The following EDIL3 variants were observed in gnomAD, a reference collection of about 807,000 sequenced individuals.
EDIL3 encodes EGF like and discoidin domains 3, also known as EGF-like repeat and discoidin I-like domain-containing protein 3.
A neutral mutation model predicts 67.4 loss-of-function variants in EDIL3; 37 were observed. The ratio of observed to expected loss-of-function variants is 0.55; its 90% confidence interval spans 0.42 to 0.72. The LOEUF is 0.72. EDIL3 is among the 30% of genes least tolerant of loss of function. The pLI, the probability that EDIL3 is intolerant of heterozygous loss-of-function variation, is 0.00. For missense variants in EDIL3, 527 were observed against 586.3 expected (o/e 0.90, Z 1.04); for synonymous variants, 195 against 196.3 (o/e 0.99, Z 0.05).
intron 3 of EDIL3, among the ~76,000 whole-genome samples, chr5:84,223,489 G>A (rs549978406): frequency 9.2e-5 from 14 of 151,610 alleles, no homozygotes; most frequent in South Asian, 8.3e-4. Flanking sequence ...GGATGAACCC[G>A]GAGGAATTAT....
intron 1 of EDIL3, among the ~76,000 whole-genome samples, chr5:84,342,685 T>C (rs1747139886): frequency 6.6e-6 from 1 of 152,186 alleles, no homozygotes; most frequent in Admixed American, 6.6e-5. Context: ...CTAGGAGTCT[T>C]GTTTTGGCCA....
chr5:84,077,583 C>G (rs1421707193), intron 6 of EDIL3, among the ~76,000 whole-genome samples: 1 of 152,102 alleles, frequency 6.6e-6, no homozygotes, highest in East Asian at 1.9e-4. Context: ...CATCAGATCT[C>G]ATGAAAGTTA....
intron 3 of EDIL3, among the ~76,000 whole-genome samples, chr5:84,217,091 C>T (rs1002962251): frequency 6.6e-6 from 1 of 150,554 alleles, no homozygotes; most frequent in African/African-American, 2.5e-5. Context: ...AAGTAAATAC[C>T]TCTTCATACT....
intron 1 of EDIL3, among the ~76,000 whole-genome samples, chr5:84,258,825 T>C (rs1201820599): frequency 6.6e-6 from 1 of 152,140 alleles, no homozygotes; most frequent in Non-Finnish European, 1.5e-5. Context: ...AAATACACGG[T>C]AGGGATTTCT....
intron 4 of EDIL3, among the ~76,000 whole-genome samples, chr5:84,145,052 A>G (rs557220473): frequency 6.6e-6 from 1 of 152,260 alleles, no homozygotes; most frequent in African/African-American, 2.4e-5. Context: ...ATAATTGGAT[A>G]TATCTGTAAA....
intron 3 of EDIL3, among the ~76,000 whole-genome samples, chr5:84,187,837 G>C (rs1046235653): frequency 2.0e-5 from 3 of 151,816 alleles, no homozygotes; most frequent in African/African-American, 7.3e-5. Flanking sequence ...TTCTCATCCT[G>C]CTCTTTTTCC....
At chr5:84,025,148 G>A (rs950194894) in intron 9 of EDIL3, among the ~76,000 whole-genome samples, 4 of 151,984 alleles carry the variant, frequency 2.6e-5, no homozygotes, top group Non-Finnish European at 4.4e-5. Context: ...CAGTGACCTC[G>A]GCTAAGCAAC....
intron 4 of EDIL3, among the ~76,000 whole-genome samples, chr5:84,161,576 T>C (rs900220456): frequency 1.3e-5 from 2 of 152,148 alleles, no homozygotes; most frequent in Non-Finnish European, 2.9e-5. Context: ...GCCATTGTTT[T>C]TCTGATTATT....
At chr5:84,204,174 T>A (rs1743909629) in intron 3 of EDIL3, among the ~76,000 whole-genome samples, 1 of 152,190 alleles carries the variant, frequency 6.6e-6, no homozygotes, top group African/African-American at 2.4e-5. Context: ...TTAATTCAAT[T>A]TTTTCATTAG....
intron 1 of EDIL3, among the ~76,000 whole-genome samples, chr5:84,332,725 C>T (rs1370887790): frequency 6.6e-6 from 1 of 152,166 alleles, no homozygotes; most frequent in Non-Finnish European, 1.5e-5. Flanking sequence ...CTTCTTCTTA[C>T]TTCTGGCTGT....
At chr5:84,141,851 GCA>G (rs895322127) in intron 4 of EDIL3, among the ~76,000 whole-genome samples, 2 of 146,742 alleles carry the variant, frequency 1.4e-5, no homozygotes, top group African/African-American at 2.5e-5. Context: ...TAGCAGAAAT[GCA>G]CACTCTGGAG....
intron 1 of EDIL3, among the ~76,000 whole-genome samples, chr5:84,292,942 G>T (rs71638273): frequency 0.13 from 20,193 of 152,156 alleles, 1,707 homozygotes; most frequent in Middle Eastern, 0.21. Context: ...TTCCTCATTG[G>T]TCGAGTACTA....
At chr5:83,980,199 A>T (rs1427496703) in intron 9 of EDIL3, among the ~76,000 whole-genome samples, 2 of 150,954 alleles carry the variant, frequency 1.3e-5, no homozygotes, top group Non-Finnish European at 2.9e-5. Context: ...CTGTCCTGAG[A>T]TTGTACCATC....
At chr5:84,222,254 T>C (rs555319038) in intron 3 of EDIL3, among the ~76,000 whole-genome samples, 5 of 152,102 alleles carry the variant, frequency 3.3e-5, no homozygotes, top group African/African-American at 1.2e-4. Context: ...TTTAACTTGC[T>C]AATATAAAAC....
At chr5:84,310,379 C>A (rs1012325512) in intron 1 of EDIL3, among the ~76,000 whole-genome samples, 9 of 152,104 alleles carry the variant, frequency 5.9e-5, no homozygotes, top group African/African-American at 2.2e-4. Context: ...AAGTTTCGAG[C>A]CCTGCTGTCA....
chr5:84,319,491 C>CAAAAAAAAAAAAAAAAAAAAAAAAAA (rs1561255911), intron 1 of EDIL3, among the ~76,000 whole-genome samples: 1 of 3,940 alleles, frequency 2.5e-4, no homozygotes, highest in African/African-American at 1.1e-3. Context: ...AAACAAAAAA[C>CAAAAAAAAAAAAAAAAAAAAAAAAAA]AACAAAAAAA....
At chr5:84,072,720 T>C (rs1746761849) in intron 6 of EDIL3, among the ~76,000 whole-genome samples, 1 of 152,216 alleles carries the variant, frequency 6.6e-6, no homozygotes, top group African/African-American at 2.4e-5. Flanking sequence ...AAAGTATCTA[T>C]AAATAGGCAT....
At chr5:83,990,083 T>C (rs1745123763) in intron 9 of EDIL3, among the ~76,000 whole-genome samples, 1 of 152,200 alleles carries the variant, frequency 6.6e-6, no homozygotes, top group Non-Finnish European at 1.5e-5. Context: ...TGCAACCTTC[T>C]GAGGCCCTGA....
intron 1 of EDIL3, among the ~76,000 whole-genome samples, chr5:84,280,691 G>A (rs538232415): frequency 3.9e-5 from 6 of 152,100 alleles, no homozygotes; most frequent in East Asian, 3.9e-4. Context: ...GGTGGTTCAC[G>A]CTTGAAATCT....
Sources: gnomAD v4.1 joint callset for allele counts (sites outside exome capture counted in the v4.1 genomes callset) on GRCh38, gnomAD v4.1.1 for gene constraint, MANE v1.5 for transcripts, NCBI Gene and HGNC (gene_info 2026-07-23, HGNC 2026-07-21) for gene names.